Variants in FAM184B observed in about 807,000 individuals in gnomAD.
FAM184B encodes family with sequence similarity 184 member B, also known as protein FAM184B.
Under a neutral mutation model 135.9 loss-of-function variants are expected in FAM184B, and 111 were observed. The ratio of observed to expected loss-of-function variants is 0.82; its 90% confidence interval spans 0.70 to 0.96. The LOEUF is 0.96. Among genes scored for constraint, FAM184B ranks in the 40% least tolerant of loss-of-function variants. The probability of loss-of-function intolerance (pLI) is 0.00; values close to 1 mark genes in which losing one functional copy is unlikely to be tolerated. For synonymous variants in FAM184B, 552 were observed against 524.8 expected (o/e 1.05, Z -0.71); for missense variants, 1,375 against 1,323.9 (o/e 1.04, Z -0.60).
At chr4:17,698,437 G>A (rs1172731708) in intron 5 of FAM184B, among the ~76,000 whole-genome samples, 1 of 152,006 alleles carries the variant, frequency 6.6e-6, no homozygotes, top group Non-Finnish European at 1.5e-5. Flanking sequence ...AGCAATCACC[G>A]AAAATTACCA....
At chr4:17,693,195 G>C in intron 6 of FAM184B, 107 bp downstream of exon 6, 1 of 742,374 alleles carries the variant, frequency 1.3e-6, no homozygotes, top group Non-Finnish European at 2.2e-6. Flanking sequence ...CTGCCTGTCT[G>C]GCTGAGTGTC....
At chr4:17,690,008 C>G (rs989209292) in intron 6 of FAM184B, among the ~76,000 whole-genome samples, 10 of 151,980 alleles carry the variant, frequency 6.6e-5, no homozygotes, top group African/African-American at 2.4e-4. Context: ...ATTAGCTGGG[C>G]CTGTTGGTGC....
At chr4:17,679,653 AC>A (rs571780635) in intron 7 of FAM184B, among the ~76,000 whole-genome samples, 2 of 152,056 alleles carry the variant, frequency 1.3e-5, no homozygotes, top group Non-Finnish European at 2.9e-5. Flanking sequence ...ATATAGAACT[AC>A]CCCCAATCCC....
chr4:17,710,420 A>G (rs1465236993), intron 1 of FAM184B, among the ~76,000 whole-genome samples: 2 of 152,232 alleles, frequency 1.3e-5, no homozygotes, highest in Non-Finnish European at 2.9e-5. Flanking sequence ...AATACCCCAC[A>G]TCAACAGAGT....
At chr4:17,729,048 C>G (rs191965566) in intron 1 of FAM184B, among the ~76,000 whole-genome samples, 1 of 152,298 alleles carries the variant, frequency 6.6e-6, no homozygotes, top group Non-Finnish European at 1.5e-5. Context: ...CACTCCCACC[C>G]TAGTACTGTG....
intron 5 of FAM184B, among the ~76,000 whole-genome samples, chr4:17,699,360 G>A (rs1294004108): frequency 6.6e-6 from 1 of 151,976 alleles, no homozygotes; most frequent in African/African-American, 2.4e-5. Flanking sequence ...TAGATTCAAT[G>A]AGCCTATAAC....
In FAM184B at chr4:17,745,766, A is replaced by C. The variant is rs753597299; in HGVS notation, c.141+35393T>G. Among the ~76,000 whole-genome samples, 69 of 152,222 alleles carry C rather than the reference A, an allele frequency of 4.5e-4. 1 individual carries two copies. Among genetic ancestry groups the C allele is most frequent in the Non-Finnish European group, 8.1e-4 (55 of 68,016 alleles). On this transcript the variant is annotated intron_variant, in intron 1 of 17. Transcript: ENST00000265018. ...CACACAGGTGAATCCTCCTTCTCTC[A>C]TCTGTAGCATCAATGTCACTCGACT... is the stretch of plus-strand genomic sequence containing the variant.
At chr4:17,733,871 G>A (rs912844815) in intron 1 of FAM184B, among the ~76,000 whole-genome samples, 4 of 152,130 alleles carry the variant, frequency 2.6e-5, no homozygotes, top group Admixed American at 6.6e-5. Context: ...GCATTGCCAA[G>A]TCAATCCTAA....
chr4:17,642,158 C>A lies in FAM184B; in HGVS notation c.2417G>T (p.Gly806Val). ...GAGCTGCGCGTTCTCCTCCCAGAGC[C>A]CGCATCCCTCGCCGGAACCCTGCCC... is the stretch of plus-strand genomic sequence containing the variant. ...AAGQGSGEGC[G>V]LWEENAQLQD... The change falls in exon 13 of 18, where the codon GGG becomes GTG. Residue 806 changes from glycine (G) to valine (V), a missense_variant. Coordinates refer to ENST00000265018, the MANE Select transcript of FAM184B (RefSeq NM_015688.2). 15 of 1,533,434 alleles carry A rather than the reference C, an allele frequency of 9.8e-6. No individual in the cohort carries two copies. Among genetic ancestry groups the A allele is most frequent in the Non-Finnish European group, 1.3e-5 (15 of 1,145,492 alleles). 95.0% of individuals were successfully genotyped at this position (1,533,434 alleles called of 1,614,324 possible). A position where few individuals can be genotyped will look rare whatever the true frequency, so the allele number is the denominator to read the frequency against.
chr4:17,712,063 T>C (rs1228651734), intron 1 of FAM184B, among the ~76,000 whole-genome samples: 1 of 152,242 alleles, frequency 6.6e-6, no homozygotes, highest in Non-Finnish European at 1.5e-5. Flanking sequence ...TGCTTTGCTA[T>C]GAGATTTTCC....
chr4:17,673,661 GA>G (rs1716245476), intron 7 of FAM184B, among the ~76,000 whole-genome samples: 1 of 152,146 alleles, frequency 6.6e-6, no homozygotes, highest in Admixed American at 6.6e-5. Flanking sequence ...AATAACTCAG[GA>G]ATTGGAAAAC....
intron 5 of FAM184B, among the ~76,000 whole-genome samples, chr4:17,701,267 A>T (rs1311275233): frequency 6.6e-6 from 1 of 152,240 alleles, no homozygotes; most frequent in Non-Finnish European, 1.5e-5. Context: ...CGAATGTTAT[A>T]ATCTACGGCC....
At position 17,707,708 on chromosome 4, in the gene FAM184B, T is replaced by C. The variant is rs1717149788; in HGVS notation, c.971A>G (p.Lys324Arg). The C allele has an allele frequency of 1.5e-5, 23 of 1,551,850 alleles. No individual in the cohort carries two copies. The highest frequency in any genetic ancestry group is 2.0e-5 in the Non-Finnish European group (23 of 1,147,030). Residue 324 changes from lysine to arginine, a missense_variant, in exon 3 of 18, where the codon AAG becomes AGG. Coordinates refer to ENST00000265018, the MANE Select transcript of FAM184B (RefSeq NM_015688.2). ...CATTCTGTCTTTGGCAACAGCCAGC[T>C]TCTCCCCAAGTTTTTTTGCAGTGCC... ...LKGTAKKLGEKLAVAKDRMML... is the reference protein window; with the variant it reads ...LKGTAKKLGERLAVAKDRMML...
chr4:17,759,763 T>C (rs1455183900), intron 1 of FAM184B, among the ~76,000 whole-genome samples: 2 of 152,174 alleles, frequency 1.3e-5, no homozygotes, highest in East Asian at 3.9e-4. Context: ...CCCAAAGTAC[T>C]GGGTTTACAG....
intron 1 of FAM184B, among the ~76,000 whole-genome samples, chr4:17,739,032 A>G (rs1717967470): frequency 6.6e-6 from 1 of 152,168 alleles, no homozygotes; most frequent in Admixed American, 6.5e-5. Flanking sequence ...TTCTTTATAA[A>G]TTACCTAGTC....
chr4:17,746,774 A>T (rs138872328), intron 1 of FAM184B, among the ~76,000 whole-genome samples: 85 of 150,966 alleles, frequency 5.6e-4, no homozygotes, highest in African/African-American at 1.9e-3. Flanking sequence ...ACGATGGCTC[A>T]CACCTGTAAT....
At chr4:17,652,555 A>C (rs1042180944) in intron 11 of FAM184B, among the ~76,000 whole-genome samples, 9 of 152,224 alleles carry the variant, frequency 5.9e-5, no homozygotes, top group Non-Finnish European at 8.8e-5. Context: ...TTGGTGGCAG[A>C]GCCAGGATTG....
chr4:17,775,170 TATTTTA>T (rs1347506555), intron 1 of FAM184B, among the ~76,000 whole-genome samples: 1 of 151,164 alleles, frequency 6.6e-6, no homozygotes, highest in Non-Finnish European at 1.5e-5. Flanking sequence ...CTAATTTTTG[TATTTTA>T]ATTTTAATTT....
chr4:17,665,854 C>A (rs1716035633), intron 7 of FAM184B, among the ~76,000 whole-genome samples: 1 of 152,096 alleles, frequency 6.6e-6, no homozygotes, highest in Non-Finnish European at 1.5e-5. Flanking sequence ...ATTGATGATT[C>A]CTTCCTTTGT....
Sources: gnomAD v4.1 joint callset for allele counts (sites outside exome capture counted in the v4.1 genomes callset) on GRCh38, gnomAD v4.1.1 for gene constraint, MANE v1.5 for transcripts, NCBI Gene and HGNC (gene_info 2026-07-23, HGNC 2026-07-21) for gene names.